Variants in FMO1 observed in about 807,000 individuals in gnomAD.
FMO1 encodes the protein flavin-containing monooxygenase 1.
In FMO1, 36 loss-of-function variants were observed where a neutral mutation model predicts 45.4. That is an observed-to-expected ratio of 0.79 (90% CI 0.61 to 1.05). The LOEUF is 1.05. Ranked by LOEUF, FMO1 falls within the 50% of genes least tolerant of loss-of-function variation. The pLI, the probability that FMO1 is intolerant of heterozygous loss-of-function variation, is 0.00. For missense variants in FMO1, 615 were observed against 640.3 expected, an observed-to-expected ratio of 0.96 and a Z score of 0.43; for synonymous variants, 228 against 227.2, an observed-to-expected ratio of 1.00 and a Z score of -0.03.
chr1:171,262,695 TTCTAAAACG>T (rs1276936496), intron 2 of FMO1, among the ~76,000 whole-genome samples: 1 of 152,216 alleles, frequency 6.6e-6, no homozygotes, highest in Non-Finnish European at 1.5e-5. Context: ...AAAGCCTTAT[TTCTAAAACG>T]TCTATTCGTA....
rs754624195 is a variant in FMO1, at chr1:171,271,518, C to T, written c.321+3787C>T. The T allele has an allele frequency of 4.7e-4, 419 of 883,770 alleles. 1 individual carries two copies. The highest frequency in any genetic ancestry group is 1.6e-3 in the African/African-American group (95 of 61,162). The allele number at this position is 883,770 out of a possible 1,614,324, so 54.7% of individuals were successfully genotyped here. ...TGGGTGCTGCTTCTTATGCTCTTCC[C>T]GACAAGTTTGCACAAAAAATGCATA... On this transcript the variant is annotated intron_variant, in intron 3 of 8. Coordinates refer to ENST00000617670, the MANE Select transcript of FMO1 (RefSeq NM_001282693.2).
At chr1:171,267,392 C>T (rs1660658348) in intron 2 of FMO1, 151 bp from the exon 3 acceptor site, 1 of 525,706 alleles carries the variant, frequency 1.9e-6, no homozygotes. Flanking sequence ...AATTGTCCAT[C>T]ATTCAAATAA....
chr1:171,249,286 T>C (rs1468118631), intron 1 of FMO1, among the ~76,000 whole-genome samples: 1 of 152,216 alleles, frequency 6.6e-6, no homozygotes, highest in African/African-American at 2.4e-5. Flanking sequence ...TATTCAGGTC[T>C]ATGCCATCTG....
At chr1:171,251,430 C>A (rs890771726) in intron 1 of FMO1, 1 of 150,792 alleles carries the variant, frequency 6.6e-6, no homozygotes, top group Non-Finnish European at 1.5e-5. Context: ...TCGAGAGGGG[C>A]GCTGCCGCAG....
intron 3 of FMO1, chr1:171,271,604 C>A: frequency 1.3e-6 from 1 of 760,514 alleles, no homozygotes; most frequent in Non-Finnish European, 2.4e-6. Context: ...GTTATTTTTC[C>A]CCAGTGAGGC....
chr1:171,278,970 G>A (rs1364112202), intron 5 of FMO1, 99 bp downstream of exon 5: 11 of 927,476 alleles, frequency 1.2e-5, no homozygotes, highest in Non-Finnish European at 1.3e-5. Context: ...GGAATAAAAT[G>A]TCTCACATGC....
At chr1:171,265,948 TA>T (rs1174198955) in intron 2 of FMO1, among the ~76,000 whole-genome samples, 24 of 152,318 alleles carry the variant, frequency 1.6e-4, no homozygotes, top group African/African-American at 5.8e-4. Flanking sequence ...GTTCAGTGTA[TA>T]TTTTTTAACT....
At chr1:171,273,758 C>A (rs1397121391) in intron 3 of FMO1, among the ~76,000 whole-genome samples, 2 of 152,308 alleles carry the variant, frequency 1.3e-5, no homozygotes, top group Admixed American at 1.3e-4. Context: ...CTCAAGCTAT[C>A]CTCCTGCCTT....
chr1:171,276,408 TGA>T (rs1661108250), intron 4 of FMO1, among the ~76,000 whole-genome samples: 1 of 152,214 alleles, frequency 6.6e-6, no homozygotes, highest in Non-Finnish European at 1.5e-5. Flanking sequence ...TCAGCAATTC[TGA>T]GAGAGGCTCC....
chr1:171,256,904 A>G (rs1450414493), intron 1 of FMO1, among the ~76,000 whole-genome samples: 1 of 152,208 alleles, frequency 6.6e-6, no homozygotes, highest in Non-Finnish European at 1.5e-5. Flanking sequence ...ATATTGGGGG[A>G]AAAGCTAACA....
chr1:171,276,787 C>A (rs7534650), intron 4 of FMO1, among the ~76,000 whole-genome samples: 8,040 of 152,078 alleles, frequency 0.053, 703 homozygotes, highest in African/African-American at 0.18. Context: ...CTGGATTTGC[C>A]CCCCAAAGTC....
intron 4 of FMO1, among the ~76,000 whole-genome samples, chr1:171,277,327 A>G (rs542081317): frequency 6.6e-6 from 1 of 152,366 alleles, no homozygotes; most frequent in Non-Finnish European, 1.5e-5. Context: ...AAAAAGTCGT[A>G]GTAAAAATAA....
intron 1 of FMO1, among the ~76,000 whole-genome samples, chr1:171,250,615 T>C (rs1259074184): frequency 6.6e-6 from 1 of 152,180 alleles, no homozygotes; most frequent in Non-Finnish European, 1.5e-5. Context: ...CAAAAAAGCA[T>C]AGTAGTTTCT....
intron 8 of FMO1, among the ~76,000 whole-genome samples, chr1:171,284,537 A>G (rs1344481882): frequency 1.3e-5 from 2 of 152,100 alleles, no homozygotes; most frequent in Admixed American, 1.3e-4. Context: ...CAGGACTTTG[A>G]GACCAGCCTG....
At chr1:171,271,553 T>G in intron 3 of FMO1, 1 of 825,568 alleles carries the variant, frequency 1.2e-6, no homozygotes, top group Non-Finnish European at 2.1e-6. Flanking sequence ...ATGATGACAT[T>G]TTGCCTCTTG....
rs147808943 is a variant in FMO1, at chr1:171,284,861, T to C, written c.1257-341T>C. On this transcript the variant is annotated intron_variant, in intron 8 of 8. Transcript: ENST00000617670. ...GTGGCTTTTCACATTATATAAATCA[T>C]TGGATTTGTTATTACTGAATAATGG... Among the ~76,000 whole-genome samples the C allele has an allele frequency of 7.2e-4, 109 of 152,192 alleles. 1 individual carries two copies. Among genetic ancestry groups the C allele is most frequent in the African/African-American group, 2.4e-3 (101 of 41,556 alleles).
At chr1:171,265,404 T>TA (rs1558008615) in intron 2 of FMO1, among the ~76,000 whole-genome samples, 221 of 86,486 alleles carry the variant, frequency 2.6e-3, no homozygotes, top group African/African-American at 0.011. Context: ...AAAAGAAAAA[T>TA]AAAAAAGAAA....
chr1:171,251,933 G>A (rs1659915323), intron 1 of FMO1: 1 of 151,954 alleles, frequency 6.6e-6, no homozygotes, highest in African/African-American at 2.4e-5. Flanking sequence ...TGCACATAAG[G>A]AGCAATAACA....
intron 1 of FMO1, among the ~76,000 whole-genome samples, chr1:171,252,597 C>T (rs1200096524): frequency 1.3e-5 from 2 of 152,200 alleles, no homozygotes; most frequent in African/African-American, 4.8e-5. Flanking sequence ...GCTGCCTCTG[C>T]CTTCTGATGC....
Sources: allele counts gnomAD v4.1 joint callset (sites outside exome capture counted in the v4.1 genomes callset), GRCh38; gene constraint gnomAD v4.1.1; transcripts MANE v1.5; gene names NCBI Gene and HGNC (gene_info 2026-07-23, HGNC 2026-07-21).